Variants in BPGM observed in about 807,000 individuals in gnomAD.
The protein encoded by BPGM is bisphosphoglycerate mutase, also known as 2,3-bisphosphoglycerate mutase, erythrocyte.
A neutral mutation model predicts 21.6 loss-of-function variants in BPGM; 15 were observed. That is an observed-to-expected ratio of 0.70 (90% CI 0.47 to 1.07). The LOEUF is 1.07. BPGM is among the 50% of genes least tolerant of loss of function. The pLI is 0.00. For synonymous variants in BPGM, 113 were observed against 116.2 expected (o/e 0.97, Z 0.18); for missense variants, 273 against 319.0 (o/e 0.86, Z 1.10).
chr7:134,661,566 AC>A lies in BPGM; in HGVS notation c.61del (p.Arg21ValfsTer28), dbSNP rs786205092. The A allele has an allele frequency of 6.2e-7, 1 of 1,614,156 alleles. No homozygotes were observed. The highest frequency in any genetic ancestry group is 8.5e-7 in the Non-Finnish European group (1 of 1,180,008). ...RHGEGAWNKE[N>X]RFCSWVDQKL... ...GGAGAGGGTGCTTGGAATAAGGAGA[AC>A]CGTTTTTGTAGCTGGGTGGATCAGA... On this transcript the variant is annotated frameshift_variant, in exon 2 of 3. Coordinates refer to ENST00000344924, the MANE Select transcript of BPGM (RefSeq NM_001724.5). LOFTEE classifies it high-confidence loss of function. This position sits in a 1 kb window ranked among gnomAD's most constrained non-coding sequence, Gnocchi z 4.6.
rs1795740673 is a variant in BPGM, at chr7:134,661,897, T to A, written c.390T>A (p.His130Gln). 1 of 1,611,518 alleles carries A rather than the reference T, an allele frequency of 6.2e-7. No homozygotes were observed. The highest frequency in any genetic ancestry group is 1.3e-5 in the African/African-American group (1 of 74,816). Residue 130 changes from histidine (H) to glutamine (Q), a missense_variant, in exon 2 of 3, where the codon CAT (histidine) becomes CAA (glutamine). By Grantham distance (24) the His-to-Gln change is conservative (BLOSUM62 0). Coordinates refer to ENST00000344924, the MANE Select transcript of BPGM (RefSeq NM_001724.5). The surrounding 1 kb of genome is among the most constrained non-coding windows in gnomAD (Gnocchi z 4.6). ...NVTPPPIEESHPYYQEIYNDR... is the reference protein window; with the variant it reads ...NVTPPPIEESQPYYQEIYNDR... ...CCCCGCCTCCCATTGAGGAGTCTCATCCTTACTACCAAGAAATCTACAACG... is the reference window on the plus strand; with the variant it reads ...CCCCGCCTCCCATTGAGGAGTCTCAACCTTACTACCAAGAAATCTACAACG...
intron 2 of BPGM, among the ~76,000 whole-genome samples, chr7:134,667,423 T>C (rs1348489176): frequency 1.3e-5 from 2 of 152,144 alleles, no homozygotes; most frequent in African/African-American, 4.8e-5. Context: ...TATAAAAATA[T>C]TGAGCTGGGT....
At chr7:134,647,891 G>A (rs550170050) in intron 1 of BPGM, among the ~76,000 whole-genome samples, 2 of 152,096 alleles carry the variant, frequency 1.3e-5, no homozygotes, top group East Asian at 3.9e-4. Context: ...TCCGCCTACC[G>A]GGTTCAAGTG....
chr7:134,666,466 G>A (rs1217094744), intron 2 of BPGM, among the ~76,000 whole-genome samples: 2 of 152,166 alleles, frequency 1.3e-5, no homozygotes, highest in Non-Finnish European at 2.9e-5. Context: ...AGAAAAGCCA[G>A]AACATGCAGT....
intron 2 of BPGM, among the ~76,000 whole-genome samples, chr7:134,669,973 T>A (rs749839112): frequency 6.6e-6 from 1 of 152,130 alleles, no homozygotes; most frequent in Non-Finnish European, 1.5e-5. Flanking sequence ...GAAAGCATCC[T>A]GTACTGTAGC....
At chr7:134,667,453 G>A (rs1795837730) in intron 2 of BPGM, among the ~76,000 whole-genome samples, 1 of 151,874 alleles carries the variant, frequency 6.6e-6, no homozygotes, top group South Asian at 2.1e-4. Context: ...CGCACCTGTA[G>A]TCTCAACTAC....
chr7:134,650,998 TG>T (rs2131413565), intron 1 of BPGM, among the ~76,000 whole-genome samples: 1 of 152,332 alleles, frequency 6.6e-6, no homozygotes, highest in African/African-American at 2.4e-5. Flanking sequence ...CTTTTTACTT[TG>T]TTAAAGACAT....
At chr7:134,669,932 G>A (rs1795878496) in intron 2 of BPGM, among the ~76,000 whole-genome samples, 2 of 152,066 alleles carry the variant, frequency 1.3e-5, no homozygotes, top group African/African-American at 4.8e-5. Flanking sequence ...AAGCACCACC[G>A]TGAAAACATC....
At chr7:134,674,206 C>T (rs1483158338) in intron 2 of BPGM, among the ~76,000 whole-genome samples, 2 of 152,214 alleles carry the variant, frequency 1.3e-5, no homozygotes, top group African/African-American at 2.4e-5. Context: ...AGCCACTGCG[C>T]CCAGCCCTGT....
intron 2 of BPGM, among the ~76,000 whole-genome samples, chr7:134,668,516 T>C (rs1795853367): frequency 6.6e-6 from 1 of 152,222 alleles, no homozygotes; most frequent in Non-Finnish European, 1.5e-5. Context: ...AGCATAGCTA[T>C]ACGGGATGAC....
At chr7:134,649,817 G>A (rs555126822) in intron 1 of BPGM, among the ~76,000 whole-genome samples, 1 of 152,224 alleles carries the variant, frequency 6.6e-6, no homozygotes, top group African/African-American at 2.4e-5. Flanking sequence ...CCTAATTTAA[G>A]CATTTCTCCT....
intron 2 of BPGM, among the ~76,000 whole-genome samples, chr7:134,672,980 C>T (rs1385048391): frequency 6.6e-6 from 1 of 152,098 alleles, no homozygotes; most frequent in African/African-American, 2.4e-5. Context: ...AGAGACCATC[C>T]TGGCTAACAT....
At chr7:134,670,246 C>T (rs896716980) in intron 2 of BPGM, among the ~76,000 whole-genome samples, 1 of 152,148 alleles carries the variant, frequency 6.6e-6, no homozygotes, top group African/African-American at 2.4e-5. Flanking sequence ...GCATACATAG[C>T]AAGGCACAGA....
intron 2 of BPGM, among the ~76,000 whole-genome samples, chr7:134,671,480 G>C (rs1244441176): frequency 6.6e-6 from 1 of 150,946 alleles, no homozygotes; most frequent in Non-Finnish European, 1.5e-5. Flanking sequence ...TCCCACCTCA[G>C]CCTCCCAAGT....
chr7:134,658,528 T>G (rs545575438), intron 1 of BPGM: 1 of 152,400 alleles, frequency 6.6e-6, no homozygotes, highest in Admixed American at 6.5e-5. Flanking sequence ...TGCAGGCATT[T>G]GAGTTTGCAA....
At chr7:134,675,439 CA>C (rs1403495171) in intron 2 of BPGM, among the ~76,000 whole-genome samples, 1 of 152,034 alleles carries the variant, frequency 6.6e-6, no homozygotes, top group Non-Finnish European at 1.5e-5. Flanking sequence ...AAGTATGAGT[CA>C]GGGGTCCAAC....
chr7:134,654,495 G>A (rs1415293692), intron 1 of BPGM, among the ~76,000 whole-genome samples: 2 of 152,122 alleles, frequency 1.3e-5, no homozygotes, highest in African/African-American at 4.8e-5. Flanking sequence ...TTCTTCATCT[G>A]TGAAATGGGA....
At chr7:134,666,523 TC>T (rs1795823882) in intron 2 of BPGM, among the ~76,000 whole-genome samples, 1 of 152,184 alleles carries the variant, frequency 6.6e-6, no homozygotes, top group Admixed American at 6.5e-5. Context: ...GATGTGAGGA[TC>T]CGGATTTGTC....
chr7:134,654,715 C>T (rs1251841727), intron 1 of BPGM, among the ~76,000 whole-genome samples: 3 of 152,102 alleles, frequency 2.0e-5, no homozygotes, highest in Admixed American at 6.5e-5. Flanking sequence ...AATGCTACAC[C>T]AAAATCTTAG....
Sources: allele counts gnomAD v4.1 joint callset (sites outside exome capture counted in the v4.1 genomes callset), GRCh38; gene constraint gnomAD v4.1.1; non-coding constraint Gnocchi (gnomAD v3.1); transcripts MANE v1.5; gene names NCBI Gene and HGNC (gene_info 2026-07-23, HGNC 2026-07-21).